Variants in UBE2H observed in about 807,000 individuals in gnomAD.
UBE2H encodes ubiquitin conjugating enzyme E2 H, also known as ubiquitin-conjugating enzyme E2 H.
Under a neutral mutation model 29.0 loss-of-function variants are expected in UBE2H, and 3 were observed. The ratio of observed to expected loss-of-function variants is 0.10; its 90% confidence interval spans 0.05 to 0.27. The LOEUF is 0.27. Among genes scored for constraint, UBE2H ranks in the 10% least tolerant of loss-of-function variants. The probability of loss-of-function intolerance (pLI) is 1.00; values close to 1 mark genes in which losing one functional copy is unlikely to be tolerated. For synonymous variants in UBE2H, 69 were observed against 82.9 expected, an observed-to-expected ratio of 0.83 and a Z score of 0.91; for missense variants, 68 against 228.2, an observed-to-expected ratio of 0.30 and a Z score of 4.52.
At chr7:129,924,727 C>G (rs1244068803) in intron 1 of UBE2H, among the ~76,000 whole-genome samples, 1 of 150,940 alleles carries the variant, frequency 6.6e-6, no homozygotes, top group East Asian at 1.9e-4. Flanking sequence ...TCATCTAAAC[C>G]AACTCCTTAT....
chr7:129,948,995 T>C, intron 1 of UBE2H: 1 of 456,868 alleles, frequency 2.2e-6, no homozygotes. Context: ...CCTCCTCCTT[T>C]TCCGGGTAGT....
At chr7:129,903,323 G>A (rs750307329) in intron 1 of UBE2H, among the ~76,000 whole-genome samples, 6 of 152,238 alleles carry the variant, frequency 3.9e-5, no homozygotes, top group Middle Eastern at 6.8e-3. Flanking sequence ...ATGCAACGAC[G>A]GTTAATAAGA....
At chr7:129,872,588 T>C (rs772184925) in intron 3 of UBE2H, among the ~76,000 whole-genome samples, 4 of 152,138 alleles carry the variant, frequency 2.6e-5, no homozygotes, top group Non-Finnish European at 5.9e-5. Context: ...ACGCCTGTAA[T>C]CTCAGCACTG....
chr7:129,868,354 G>A (rs1053491959), intron 3 of UBE2H, among the ~76,000 whole-genome samples: 2 of 152,032 alleles, frequency 1.3e-5, no homozygotes, highest in African/African-American at 4.8e-5. Context: ...GCCGAGGCGG[G>A]TGGATCATGA....
At chr7:129,870,327 A>G (rs1357191684) in intron 3 of UBE2H, among the ~76,000 whole-genome samples, 1 of 152,236 alleles carries the variant, frequency 6.6e-6, no homozygotes, top group Non-Finnish European at 1.5e-5. Flanking sequence ...TTTAAAAATT[A>G]AAAACAGGCC....
At chr7:129,894,149 C>CA (rs1175381675) in intron 1 of UBE2H, among the ~76,000 whole-genome samples, 2 of 151,804 alleles carry the variant, frequency 1.3e-5, no homozygotes, top group Non-Finnish European at 2.9e-5. Flanking sequence ...GACTCTGTCT[C>CA]AAAAAAATAA....
intron 1 of UBE2H, among the ~76,000 whole-genome samples, chr7:129,888,524 G>T (rs892393058): frequency 6.6e-6 from 1 of 152,130 alleles, no homozygotes; most frequent in Non-Finnish European, 1.5e-5. Context: ...GCCAAGGCTG[G>T]AGTGCAGTGG....
At chr7:129,881,667 T>C (rs1413982603) in intron 1 of UBE2H, among the ~76,000 whole-genome samples, 1 of 151,880 alleles carries the variant, frequency 6.6e-6, no homozygotes, top group Non-Finnish European at 1.5e-5. Context: ...ATAAAAAATA[T>C]ACATGAAAAA....
chr7:129,904,471 A>G (rs928056457), intron 1 of UBE2H, among the ~76,000 whole-genome samples: 4 of 152,122 alleles, frequency 2.6e-5, no homozygotes, highest in African/African-American at 9.7e-5. Context: ...GATCACCTGA[A>G]GTACATGCCC....
chr7:129,893,448 C>T (rs1806541191), intron 1 of UBE2H, among the ~76,000 whole-genome samples: 1 of 152,150 alleles, frequency 6.6e-6, no homozygotes, highest in African/African-American at 2.4e-5. Context: ...ACCACACCCC[C>T]ATCCCCAACA....
chr7:129,837,286 G>C (rs1289116343), intron 6 of UBE2H, among the ~76,000 whole-genome samples: 1 of 152,174 alleles, frequency 6.6e-6, no homozygotes, highest in African/African-American at 2.4e-5. Flanking sequence ...AGGAAGAGAG[G>C]GAGCCCAGGG....
At chr7:129,882,701 T>A (rs141670361) in intron 1 of UBE2H, among the ~76,000 whole-genome samples, 13 of 152,354 alleles carry the variant, frequency 8.5e-5, no homozygotes, top group African/African-American at 2.9e-4. Flanking sequence ...GACACATGCA[T>A]GCCTACTCTG....
chr7:129,949,648 AAT>A (rs1342530737), intron 1 of UBE2H, among the ~76,000 whole-genome samples: 5 of 152,188 alleles, frequency 3.3e-5, no homozygotes, highest in Non-Finnish European at 5.9e-5. Flanking sequence ...TCACAAAAGA[AAT>A]ATCACTGACT....
chr7:129,869,525 C>T (rs1349172840), intron 3 of UBE2H, among the ~76,000 whole-genome samples: 1 of 152,140 alleles, frequency 6.6e-6, no homozygotes, highest in Non-Finnish European at 1.5e-5. Flanking sequence ...ATTTAAGAGC[C>T]ATCACCATCC....
chr7:129,947,904 G>C (rs937225001), intron 1 of UBE2H, among the ~76,000 whole-genome samples: 5 of 152,054 alleles, frequency 3.3e-5, no homozygotes, highest in African/African-American at 1.2e-4. Context: ...CCAGGCTGGA[G>C]TGCAATGGTG....
rs550670699 is a variant in UBE2H at position 129,903,705 on chromosome 7, C to T, written c.54-22734G>A. 1.2e-4 allele frequency among the ~76,000 whole-genome samples: 19 copies of T among 152,184 alleles called. No individual in the cohort carries two copies. In the South Asian group the frequency reaches 1.9e-3, roughly 15 times the overall value. On this transcript the variant is annotated intron_variant, in intron 1 of 6. Coordinates refer to ENST00000355621, the MANE Select transcript of UBE2H (RefSeq NM_003344.4). The stretch of plus-strand genomic sequence containing the variant: ...CTTGAGCCCAGGAGTTTGAGACTAG[C>T]CTACGCAACAAAGCAAGACGCCATC...
intron 1 of UBE2H, among the ~76,000 whole-genome samples, chr7:129,912,488 T>C (rs1806956442): frequency 6.6e-6 from 1 of 152,152 alleles, no homozygotes; most frequent in African/African-American, 2.4e-5. Context: ...AGTGCTGGGA[T>C]TACATCATGA....
At chr7:129,845,824 T>C (rs1805501580) in intron 5 of UBE2H, among the ~76,000 whole-genome samples, 1 of 152,194 alleles carries the variant, frequency 6.6e-6, no homozygotes, top group Admixed American at 6.5e-5. Context: ...TTTCTACATC[T>C]CAATTTCTTC....
intron 5 of UBE2H, chr7:129,857,257 T>C (rs1400110763): frequency 4.0e-6 from 2 of 504,052 alleles, no homozygotes; most frequent in African/African-American, 2.0e-5. Context: ...GCGCATGTAC[T>C]CATGTGTGTG....
Sources: gnomAD v4.1 joint callset for allele counts (sites outside exome capture counted in the v4.1 genomes callset) on GRCh38, gnomAD v4.1.1 for gene constraint, MANE v1.5 for transcripts, NCBI Gene and HGNC (gene_info 2026-07-23, HGNC 2026-07-21) for gene names.